The following ATE1 variants were observed in gnomAD, a reference collection of about 807,000 sequenced individuals.
ATE1 encodes arginyltransferase 1.
ATE1 carries 36 observed loss-of-function variants against 70.5 expected under a neutral mutation model. That is an observed-to-expected ratio of 0.51 (90% CI 0.39 to 0.67). The LOEUF (loss-of-function observed/expected upper bound fraction) is 0.67. Ranked by LOEUF, ATE1 falls within the 30% of genes least tolerant of loss-of-function variation. ATE1 has a pLI of 0.00. For missense variants in ATE1, 593 were observed against 629.5 expected, an observed-to-expected ratio of 0.94 and a Z score of 0.62; for synonymous variants, 232 against 219.3, an observed-to-expected ratio of 1.06 and a Z score of -0.51.
At chr10:121,916,012 A>G (rs1951639857) in intron 3 of ATE1, among the ~76,000 whole-genome samples, 1 of 151,106 alleles carries the variant, frequency 6.6e-6, no homozygotes, top group Admixed American at 6.6e-5. Flanking sequence ...CGAGGCGGGC[A>G]GATCACAAGG....
intron 8 of ATE1, among the ~76,000 whole-genome samples, chr10:121,841,617 C>G (rs1948632111): frequency 6.6e-6 from 1 of 152,202 alleles, no homozygotes; most frequent in Non-Finnish European, 1.5e-5. Flanking sequence ...GCATTCGCAG[C>G]AACCTGGATA....
At chr10:121,766,544 T>C (rs556743147) in intron 11 of ATE1, among the ~76,000 whole-genome samples, 1 of 152,088 alleles carries the variant, frequency 6.6e-6, no homozygotes, top group Non-Finnish European at 1.5e-5. Context: ...GCCTCATCTA[T>C]TCCCGGCAAA....
chr10:121,780,687 C>A (rs1945946620), intron 11 of ATE1, among the ~76,000 whole-genome samples: 1 of 152,184 alleles, frequency 6.6e-6, no homozygotes, highest in Non-Finnish European at 1.5e-5. Flanking sequence ...CACTCTTTGC[C>A]AACCAGGCCT....
intron 7 of ATE1, among the ~76,000 whole-genome samples, chr10:121,889,667 G>A (rs1950517478): frequency 1.3e-5 from 2 of 152,006 alleles, no homozygotes; most frequent in African/African-American, 4.8e-5. Context: ...AAATTAGCCT[G>A]GCATGGTGGT....
intron 11 of ATE1, among the ~76,000 whole-genome samples, chr10:121,753,658 C>A (rs1014939637): frequency 3.3e-5 from 5 of 152,220 alleles, no homozygotes; most frequent in African/African-American, 7.2e-5. Flanking sequence ...CTAATAAAAT[C>A]TCTTATGATG....
intron 2 of ATE1, among the ~76,000 whole-genome samples, 178 bp downstream of exon 2, chr10:121,924,088 A>C (rs1354862834): frequency 2.6e-5 from 4 of 152,226 alleles, no homozygotes; most frequent in Admixed American, 2.6e-4. Context: ...GCTTTTATAG[A>C]TATTTGACAT....
chr10:121,748,145 C>T (rs1310895166), intron 11 of ATE1, among the ~76,000 whole-genome samples: 1 of 152,204 alleles, frequency 6.6e-6, no homozygotes, highest in Non-Finnish European at 1.5e-5. Flanking sequence ...TGATGCTTAA[C>T]AGTTTAAACC....
At chr10:121,833,890 G>T (rs2133724999) in intron 10 of ATE1, among the ~76,000 whole-genome samples, 1 of 152,268 alleles carries the variant, frequency 6.6e-6, no homozygotes, top group African/African-American at 2.4e-5. Context: ...TGATTCTCTA[G>T]TCTGACTTCA....
intron 11 of ATE1, among the ~76,000 whole-genome samples, chr10:121,745,487 T>C (rs530840404): frequency 3.5e-4 from 53 of 152,072 alleles, no homozygotes; most frequent in Admixed American, 1.0e-3. Context: ...GAGGCCAAGG[T>C]GGGCAAATCA....
intron 7 of ATE1, among the ~76,000 whole-genome samples, chr10:121,894,679 C>A: frequency 6.6e-6 from 1 of 151,980 alleles, no homozygotes; most frequent in Non-Finnish European, 1.5e-5. Flanking sequence ...GCAGGCAGAT[C>A]ACGAGGTCAG....
At position 121,902,568 on chromosome 10, in the gene ATE1, C is replaced by T. The variant is rs770600226; in HGVS notation, c.636G>A (p.Arg212=). 1 of 1,614,096 alleles carries T rather than the reference C, an allele frequency of 6.2e-7. No individual in the cohort carries two copies. The highest frequency in any genetic ancestry group is 8.5e-7 in the Non-Finnish European group (1 of 1,179,980). Residue 212 remains arginine (R), a synonymous_variant, in exon 6 of 12, where the codon CGG becomes CGA. Transcript: ENST00000224652. ...KPPCRKAKEI[R]KERKRLKLMQ... ...TTAGTTTTAACCTTTTCCTTTCTTT[C>T]CGGATTTCCTTTGCTTTTCGACATG...
intron 10 of ATE1, among the ~76,000 whole-genome samples, chr10:121,827,041 GTCTC>G (rs920395508): frequency 3.3e-5 from 5 of 149,266 alleles, no homozygotes; most frequent in Admixed American, 2.0e-4. Context: ...TTGAGATGGA[GTCTC>G]TCTCTGTCGC....
chr10:121,839,527 T>C lies in ATE1; in HGVS notation c.1157+1555A>G, dbSNP rs369221710. 7.2e-5 allele frequency among the ~76,000 whole-genome samples: 11 copies of C among 152,340 alleles called. No homozygotes were observed. The East Asian group carries it at 1.2e-3, about 16-fold the overall frequency. On this transcript the variant is annotated intron_variant, in intron 9 of 11. Coordinates refer to ENST00000224652, the MANE Select transcript of ATE1 (RefSeq NM_001001976.3). ...TATATCTTTTCTGAAATAAAACTTC[T>C]GAAGTTATGTAATAATGGCAAAATC...
intron 3 of ATE1, among the ~76,000 whole-genome samples, chr10:121,918,340 A>G (rs1339535032): frequency 6.6e-6 from 1 of 152,126 alleles, no homozygotes; most frequent in Non-Finnish European, 1.5e-5. Flanking sequence ...CTCAAAAAAA[A>G]AAAAAAAAGA....
intron 10 of ATE1, among the ~76,000 whole-genome samples, chr10:121,813,908 G>A (rs1947427171): frequency 1.3e-5 from 2 of 152,158 alleles, no homozygotes; most frequent in Non-Finnish European, 2.9e-5. Flanking sequence ...CATAAACGTG[G>A]CTGTGTACAA....
intron 11 of ATE1, among the ~76,000 whole-genome samples, chr10:121,788,659 A>T (rs1946309460): frequency 6.6e-6 from 1 of 152,100 alleles, no homozygotes; most frequent in Non-Finnish European, 1.5e-5. Flanking sequence ...TCTCCTCCAG[A>T]CTTTCCATTG....
At chr10:121,893,966 C>T (rs1043014736) in intron 7 of ATE1, among the ~76,000 whole-genome samples, 5 of 151,912 alleles carry the variant, frequency 3.3e-5, no homozygotes, top group African/African-American at 1.2e-4. Flanking sequence ...GAAGAAACCC[C>T]GTCTTGACTA....
At chr10:121,851,637 A>G (rs996346122) in intron 8 of ATE1, among the ~76,000 whole-genome samples, 1 of 152,224 alleles carries the variant, frequency 6.6e-6, no homozygotes, top group Non-Finnish European at 1.5e-5. Context: ...CTAACTTAAC[A>G]GCAAAGTTAC....
At chr10:121,912,092 G>A (rs1231312670) in intron 4 of ATE1, among the ~76,000 whole-genome samples, 5 of 151,902 alleles carry the variant, frequency 3.3e-5, no homozygotes, top group African/African-American at 9.7e-5. Context: ...GGGTTTCACC[G>A]TGTAAGCCAG....
Sources: gnomAD v4.1 joint callset for allele counts (sites outside exome capture counted in the v4.1 genomes callset) on GRCh38, gnomAD v4.1.1 for gene constraint, MANE v1.5 for transcripts, NCBI Gene and HGNC (gene_info 2026-07-23, HGNC 2026-07-21) for gene names.